Variants in USHBP1 observed in about 807,000 individuals in gnomAD.
USHBP1 encodes the protein USH1 protein network component harmonin binding protein 1.
Under a neutral mutation model 76.2 loss-of-function variants are expected in USHBP1, and 67 were observed. The ratio of observed to expected loss-of-function variants is 0.88; its 90% CI spans 0.72 to 1.08. The LOEUF is 1.08. Among genes scored for constraint, USHBP1 ranks in the 50% least tolerant of loss-of-function variants. The pLI, the probability that USHBP1 is intolerant of heterozygous loss-of-function variation, is 0.00. For synonymous variants in USHBP1, 322 were observed against 362.2 expected, an observed-to-expected ratio of 0.89 and a Z score of 1.26; for missense variants, 931 against 915.0, an observed-to-expected ratio of 1.02 and a Z score of -0.23.
At chr19:17,250,514 G>A (rs1268503241) in intron 12 of USHBP1, 100 bp from the exon 13 acceptor site, 4 of 1,304,046 alleles carry the variant, frequency 3.1e-6, no homozygotes, top group Non-Finnish European at 4.2e-6. Context: ...TTTCACATTG[G>A]GTCTCCAAGG....
At chr19:17,258,018 C>A (rs1205771438) in intron 8 of USHBP1, among the ~76,000 whole-genome samples, 194 bp downstream of exon 8, 1 of 152,152 alleles carries the variant, frequency 6.6e-6, no homozygotes, top group Non-Finnish European at 1.5e-5. Context: ...TGTCAACCAC[C>A]ATGCCAACTT....
Position 17,251,563 on chromosome 19 carries a change from G to C in USHBP1, c.1922+19C>G. 1 of 1,613,060 alleles carries C rather than the reference G, an allele frequency of 6.2e-7. No individual in the cohort carries two copies. Among genetic ancestry groups the C allele is most frequent in the Admixed American group, 1.7e-5 (1 of 59,978 alleles). ...GGGGATGGTGCCAGGGGGATTGGGG[G>C]GATGCAGAACAGTCCTACCTGTGGG... On this transcript the variant is annotated intron_variant, in intron 12 of 12. Transcript: ENST00000252597.
At chr19:17,258,409 C>CT (rs1252617843) in intron 7 of USHBP1, 24 bp from the exon 8 acceptor site, 1 of 1,601,642 alleles carries the variant, frequency 6.2e-7, no homozygotes. Context: ...GTTCTGAGTG[C>CT]TTCAGGACAC....
chr19:17,257,604 T>G (rs1306460203), intron 8 of USHBP1, among the ~76,000 whole-genome samples: 1 of 138,394 alleles, frequency 7.2e-6, no homozygotes, highest in Non-Finnish European at 1.5e-5. Context: ...ATCGGACCAT[T>G]GGACTCTAGC....
chr19:17,256,250 T>C (rs2073617242), intron 9 of USHBP1, among the ~76,000 whole-genome samples: 1 of 152,030 alleles, frequency 6.6e-6, no homozygotes, highest in African/African-American at 2.4e-5. Context: ...TCTCTTCCCA[T>C]AGGAAGGGCA....
In USHBP1 at chr19:17,251,911, C is replaced by G. The variant is rs766480806; in HGVS notation, c.1799G>C (p.Arg600Thr). 7.7e-5 allele frequency: 119 copies of G among 1,540,424 alleles called. No homozygotes were observed. The highest frequency in any genetic ancestry group is 9.9e-5 in the Non-Finnish European group (113 of 1,145,078). ...LAQELAASLT[R>T]TLDLQEQLQS... The stretch of plus-strand genomic sequence containing the variant: ...CACAGCCCAGGACCCAGGCACACAC[C>G]TGGTGAGCGATGCTGCCAGTTCCTG... The change falls in exon 11 of 13, where the codon AGG (arginine) becomes ACG (threonine). Residue 600 changes from arginine (R) to threonine (T), a missense_variant and splice_region_variant. Transcript: ENST00000252597.
rs1483325263 is a variant in USHBP1, at chr19:17,250,205, G to C, written c.*20C>G. On this transcript the variant is annotated 3_prime_UTR_variant, in exon 13 of 13. Coordinates refer to ENST00000252597, the MANE Select transcript of USHBP1 (RefSeq NM_031941.4). Reference sequence around the variant, plus strand: ...ATGCCACAGCTGTCTGGCATGTCCAGACATGGCTGGGTAAGGGGCCTACAG... The same window carrying C: ...ATGCCACAGCTGTCTGGCATGTCCACACATGGCTGGGTAAGGGGCCTACAG... 1.3e-6 allele frequency: 2 copies of C among 1,590,744 alleles called. No homozygotes were observed. Among genetic ancestry groups the C allele is most frequent in the African/African-American group, 1.3e-5 (1 of 74,092 alleles).
chr19:17,251,784 A>G, intron 11 of USHBP1, 80 bp from the exon 12 acceptor site: 2 of 1,598,058 alleles, frequency 1.3e-6, no homozygotes, highest in Non-Finnish European at 1.7e-6. Flanking sequence ...ACCTGCCCAC[A>G]GTATTGTCAT....
chr19:17,262,575 C>T lies in USHBP1; in HGVS notation c.619G>A (p.Glu207Lys). The T allele has an allele frequency of 2.5e-6, 4 of 1,609,184 alleles. No individual in the cohort carries two copies. Among genetic ancestry groups the T allele is most frequent in the South Asian group, 2.2e-5 (2 of 90,986 alleles). Residue 207 changes from glutamate (E) to lysine (K), a missense_variant, in exon 4 of 13, where the codon GAG becomes AAG. Coordinates refer to ENST00000252597, the MANE Select transcript of USHBP1 (RefSeq NM_031941.4). ...TQASLEAIRA[E>K]KETLQKEVQE... ...ACCTCTTTCTGCAGCGTCTCCTTCT[C>T]AGCTCGGATGGCCTCCAGGGAGGCC... is the stretch of plus-strand genomic sequence containing the variant.
Position 17,249,957 on chromosome 19 carries a change from G to A in USHBP1, c.*268C>T. On this transcript the variant is annotated 3_prime_UTR_variant, in exon 13 of 13. Coordinates refer to ENST00000252597, the MANE Select transcript of USHBP1 (RefSeq NM_031941.4). ...ACCCCCGAAATGCGTCAGTCCCAGG[G>A]ACCTGGTCCCATAGCCCAGGTTGCT... 2.1e-6 allele frequency: 1 copy of A among 482,294 alleles called. No homozygotes were observed. Among genetic ancestry groups the A allele is most frequent in the South Asian group, 2.4e-5 (1 of 42,274 alleles). 29.9% of individuals were successfully genotyped at this position (482,294 alleles called of 1,614,324 possible). A position where few individuals can be genotyped will look rare whatever the true frequency, so the allele number is the denominator to read the frequency against.
rs969471097 is a variant in USHBP1 at position 17,250,051 on chromosome 19, TCTTC to T, written c.*170_*173del. 8 of 695,464 alleles carry T rather than the reference TCTTC, an allele frequency of 1.2e-5. No homozygotes were observed. The Admixed American group carries it at 1.6e-4, about 14-fold the overall frequency. The allele number at this position is 695,464 out of a possible 1,614,324, so 43.1% of individuals were successfully genotyped here. A position where few individuals can be genotyped will look rare whatever the true frequency, so the allele number is the denominator to read the frequency against. ...GCCAGGCCAAAGACACCTGAGTCTT[TCTTC>T]ATTGCCTGGCCACACCCCATCAGGC... On this transcript the variant is annotated 3_prime_UTR_variant, in exon 13 of 13. Coordinates refer to ENST00000252597, the MANE Select transcript of USHBP1 (RefSeq NM_031941.4).
chr19:17,251,814 G>C, intron 11 of USHBP1, 97 bp downstream of exon 11: 1 of 1,563,806 alleles, frequency 6.4e-7, no homozygotes, highest in Non-Finnish European at 8.6e-7. Context: ...CCTGTACACC[G>C]GGGTACACCT....
rs1568329779 is a variant in USHBP1, at chr19:17,264,663, C to T, written c.-49+8G>A. The T allele has an allele frequency of 1.0e-5, 3 of 290,340 alleles. No individual in the cohort carries two copies. Among genetic ancestry groups the T allele is most frequent in the East Asian group, 1.8e-4 (2 of 11,302 alleles). 18.0% of individuals were successfully genotyped at this position (290,340 alleles called of 1,614,324 possible). A position where few individuals can be genotyped will look rare whatever the true frequency, so the allele number is the denominator to read the frequency against. ...GCCCTCCTAAATGAGAGGTTCAGCT[C>T]TCTCTACCTCTCTGATCCTCTGGGG... On this transcript the variant is annotated splice_region_variant and intron_variant, in intron 1 of 12. Transcript: ENST00000252597.
In USHBP1 at chr19:17,258,324, C is replaced by T; in HGVS notation, c.1108G>A (p.Gly370Arg). 6.2e-7 allele frequency: 1 copy of T among 1,614,080 alleles called. No individual in the cohort carries two copies. Among genetic ancestry groups the T allele is most frequent in the Non-Finnish European group, 8.5e-7 (1 of 1,180,038 alleles). Residue 370 changes from glycine to arginine, a missense_variant, in exon 8 of 13, where the codon GGA (glycine) becomes AGA (arginine). Gly to Arg is a moderately radical substitution (Grantham distance 125). Coordinates refer to ENST00000252597, the MANE Select transcript of USHBP1 (RefSeq NM_031941.4). ...LALREADSGAGDEAPMSDLQA... is the reference protein window; with the variant it reads ...LALREADSGARDEAPMSDLQA... ...AGGTCACTCATGGGGGCTTCGTCTC[C>T]TGCTCCTGAGTCGGCCTCCCGCAGA...
chr19:17,255,629 G>A (rs1599469263), intron 9 of USHBP1, 23 bp from the exon 10 acceptor site: 9 of 1,585,854 alleles, frequency 5.7e-6, no homozygotes, highest in East Asian at 2.3e-5. Context: ...GGAGAGGGGA[G>A]AGAATTTATG....
intron 3 of USHBP1, 165 bp downstream of exon 3, chr19:17,263,837 C>T (rs997307855): frequency 1.0e-6 from 1 of 987,948 alleles, no homozygotes; most frequent in Non-Finnish European, 1.4e-6. Flanking sequence ...CTGCACTGCA[C>T]TACAGCCTGG....
chr19:17,250,466 G>A, intron 12 of USHBP1, 52 bp from the exon 13 acceptor site: 3 of 1,582,642 alleles, frequency 1.9e-6, no homozygotes, highest in African/African-American at 1.4e-5. Context: ...TCCACCCAAG[G>A]CAAGGGCCGT....
At chr19:17,260,350 GATGGAGT>G (rs1366485098) in intron 4 of USHBP1, among the ~76,000 whole-genome samples, 6 of 152,002 alleles carry the variant, frequency 3.9e-5, no homozygotes, top group Non-Finnish European at 5.9e-5. Context: ...TTATTTTTGA[GATGGAGT>G]CTTGCTCTGT....
chr19:17,264,113 ACCT>A lies in USHBP1; in HGVS notation c.89_91del (p.Glu30del). On this transcript the variant is annotated inframe_deletion, in exon 3 of 13. Transcript: ENST00000252597. ...CTTGGAGCTCCCACTGGCTGCCTCGACCTCCTCTGAACTCTCAGCCACGGGATC... is the reference window on the plus strand; with the variant it reads ...CTTGGAGCTCCCACTGGCTGCCTCGACCTCTGAACTCTCAGCCACGGGATC... 4 of 1,613,890 alleles carry A rather than the reference ACCT, an allele frequency of 2.5e-6. No individual in the cohort carries two copies. Among genetic ancestry groups the A allele is most frequent in the Non-Finnish European group, 3.4e-6 (4 of 1,179,944 alleles).
Sources: gnomAD v4.1 joint callset for allele counts (sites outside exome capture counted in the v4.1 genomes callset) on GRCh38, gnomAD v4.1.1 for gene constraint, MANE v1.5 for transcripts, NCBI Gene and HGNC (gene_info 2026-07-23, HGNC 2026-07-21) for gene names.